Variants in DIP2C observed in about 807,000 individuals in gnomAD.
DIP2C encodes disco-interacting protein 2 homolog C.
Under a neutral mutation model 192.4 loss-of-function variants are expected in DIP2C, and 33 were observed. The ratio of observed to expected loss-of-function variants is 0.17; its 90% confidence interval spans 0.13 to 0.23. The LOEUF is 0.23. Ranked by LOEUF, DIP2C falls within the 10% of genes least tolerant of loss-of-function variation. DIP2C has a pLI of 1.00. For missense variants in DIP2C, 1,537 were observed against 2,110.1 expected, an observed-to-expected ratio of 0.73 and a Z score of 5.32; for synonymous variants, 979 against 864.1, an observed-to-expected ratio of 1.13 and a Z score of -2.33.
At chr10:537,895 T>TTC (rs1218843678) in intron 1 of DIP2C, among the ~76,000 whole-genome samples, 3 of 151,788 alleles carry the variant, frequency 2.0e-5, no homozygotes, top group African/African-American at 7.3e-5. Context: ...GTTCAGGCGA[T>TTC]TCTCCTGCCT....
At chr10:397,569 G>C (rs1564659942) in intron 10 of DIP2C, among the ~76,000 whole-genome samples, 1 of 150,626 alleles carries the variant, frequency 6.6e-6, no homozygotes, top group African/African-American at 2.4e-5. Context: ...GATGGTTTAA[G>C]GGCAGTGTGC....
intron 13 of DIP2C, among the ~76,000 whole-genome samples, chr10:388,437 T>C (rs1252349456): frequency 1.3e-5 from 2 of 152,220 alleles, no homozygotes; most frequent in Non-Finnish European, 1.5e-5. Flanking sequence ...GGTCAGCAGC[T>C]GCCTGCAGGT....
At position 689,538 on chromosome 10, in the gene DIP2C, TC is replaced by T; in HGVS notation, c.40del (p.Glu14ArgfsTer30). 3 of 1,298,546 alleles carry T rather than the reference TC, an allele frequency of 2.3e-6. No individual in the cohort carries two copies. The highest frequency in any genetic ancestry group is 3.0e-5 in the South Asian group (2 of 66,232). 80.4% of individuals were successfully genotyped at this position (1,298,546 alleles called of 1,614,324 possible). A position where few individuals can be genotyped will look rare whatever the true frequency, so the allele number is the denominator to read the frequency against. The part of the protein sequence containing the change: ...RSLEGMALPL[E>X]VRARLAELEL... The stretch of plus-strand genomic sequence containing the variant: ...CAGCTCGGCCAGGCGCGCCCGCACC[TC>T]CAGGGGCAGCGCCATGCCCTCCAGG... On this transcript the variant is annotated frameshift_variant, in exon 1 of 37. Coordinates refer to ENST00000280886, the MANE Select transcript of DIP2C (RefSeq NM_014974.3). LOFTEE classifies it high-confidence loss of function. This position sits in a 1 kb window ranked among gnomAD's most constrained non-coding sequence, Gnocchi z 6.1.
chr10:534,240 CGTGCGAAACGGGGAG>C (rs529457749), intron 1 of DIP2C, among the ~76,000 whole-genome samples: 2 of 152,276 alleles, frequency 1.3e-5, no homozygotes, highest in East Asian at 1.9e-4. Context: ...ACCCCGGGGA[CGTGCGAAACGGGGAG>C]GTGCAACTCT....
intron 1 of DIP2C, among the ~76,000 whole-genome samples, chr10:601,970 G>A (rs768537242): frequency 2.4e-4 from 36 of 152,034 alleles, no homozygotes; most frequent in Non-Finnish European, 1.5e-4. Flanking sequence ...TCACTTATGA[G>A]GCAGAGAATG....
chr10:286,032 A>G (rs1955102157), intron 34 of DIP2C, among the ~76,000 whole-genome samples: 1 of 152,200 alleles, frequency 6.6e-6, no homozygotes, highest in Non-Finnish European at 1.5e-5. Flanking sequence ...ATCTTTTCAG[A>G]ATTATTTGAG....
At chr10:359,771 C>G (rs1959225024) in intron 22 of DIP2C, among the ~76,000 whole-genome samples, 1 of 152,148 alleles carries the variant, frequency 6.6e-6, no homozygotes, top group African/African-American at 2.4e-5. Flanking sequence ...ATAGAAGCGT[C>G]TTCTGAATGA....
rs1564824770 is a variant in DIP2C at position 532,678 on chromosome 10, TATGGGTGTGA to T, written c.86-46158_86-46149del. Among the ~76,000 whole-genome samples, 126 of 100,442 alleles carry T rather than the reference TATGGGTGTGA, an allele frequency of 1.3e-3. 1 individual carries two copies. The highest frequency in any genetic ancestry group is 2.8e-3 in the South Asian group (9 of 3,204). 65.9% of individuals were successfully genotyped at this position (100,442 alleles called of 152,430 possible). ...GAGAGAGTATGGGTGTGAGAGAGAG[TATGGGTGTGA>T]GAGAGTATGGGTGTGAGAGAGAGTA... On this transcript the variant is annotated intron_variant, in intron 1 of 36. Transcript: ENST00000280886.
intron 10 of DIP2C, 76 bp from the exon 11 acceptor site, chr10:390,939 G>A (rs141931351): frequency 7.1e-5 from 112 of 1,571,286 alleles, no homozygotes; most frequent in Middle Eastern, 1.7e-4. Flanking sequence ...TCCCTCCAGC[G>A]TTCACACAGA....
intron 1 of DIP2C, among the ~76,000 whole-genome samples, chr10:670,268 G>GCATATACA (rs1830560085): frequency 1.3e-5 from 2 of 149,902 alleles, no homozygotes; most frequent in African/African-American, 5.1e-5. Flanking sequence ...GCACATACAC[G>GCATATACA]CATGCATATA....
chr10:546,647 G>A (rs1209603343), intron 1 of DIP2C, among the ~76,000 whole-genome samples: 2 of 152,230 alleles, frequency 1.3e-5, no homozygotes, highest in Admixed American at 6.5e-5. Flanking sequence ...CTGGACCCTG[G>A]TCGACGGGCC....
intron 31 of DIP2C, among the ~76,000 whole-genome samples, chr10:318,468 A>G (rs1396055131): frequency 6.6e-6 from 1 of 152,222 alleles, no homozygotes; most frequent in African/African-American, 2.4e-5. Context: ...CAAGGTCAGC[A>G]GTGCAGACTT....
intron 1 of DIP2C, among the ~76,000 whole-genome samples, chr10:565,655 T>A (rs948173914): frequency 1.3e-5 from 2 of 152,252 alleles, no homozygotes; most frequent in African/African-American, 4.8e-5. Flanking sequence ...GTTTGCTACA[T>A]GTAAGCTTCA....
intron 1 of DIP2C, among the ~76,000 whole-genome samples, chr10:499,873 A>AGCAAGCAT (rs1211193327): frequency 6.6e-6 from 1 of 152,222 alleles, no homozygotes; most frequent in African/African-American, 2.4e-5. Flanking sequence ...TTTATCATAG[A>AGCAAGCAT]GCAAGCATGG....
intron 1 of DIP2C, among the ~76,000 whole-genome samples, chr10:670,567 G>C (rs771378607): frequency 3.2e-4 from 49 of 152,146 alleles, no homozygotes; most frequent in Non-Finnish European, 5.9e-4. Context: ...CATTTTAAAC[G>C]TGACCATTCC....
intron 14 of DIP2C, among the ~76,000 whole-genome samples, 190 bp from the exon 15 acceptor site, chr10:384,829 C>T (rs1341424179): frequency 3.4e-5 from 5 of 149,040 alleles, no homozygotes; most frequent in African/African-American, 9.9e-5. Flanking sequence ...TACAGAGGGG[C>T]ATAGTGGAGG....
At chr10:356,651 G>A (rs118000370) in intron 23 of DIP2C, 145 bp from the exon 24 acceptor site, 3 of 631,558 alleles carry the variant, frequency 4.8e-6, no homozygotes, top group East Asian at 5.5e-5. Flanking sequence ...GGGAGTTGAA[G>A]ACATGCATGC....
intron 1 of DIP2C, among the ~76,000 whole-genome samples, chr10:560,720 C>T (rs1849165014): frequency 6.6e-6 from 1 of 152,196 alleles, no homozygotes; most frequent in Non-Finnish European, 1.5e-5. Context: ...CATTAAAATT[C>T]TAGGCCCCCC....
rs1285104802 is a variant in DIP2C, at chr10:356,320, A to AT, written c.2985+105dup. The AT allele has an allele frequency of 2.3e-6, 3 of 1,293,894 alleles. No homozygotes were observed. The African/African-American group carries it at 4.4e-5, about 19-fold the overall frequency. 80.2% of individuals were successfully genotyped at this position (1,293,894 alleles called of 1,614,324 possible). A position where few individuals can be genotyped will look rare whatever the true frequency, so the allele number is the denominator to read the frequency against. ...ATAGCAAAACATAAAAAGAATTCCC[A>AT]TAAGACTGAAGCAAAAGGATTCAAA... is the stretch of plus-strand genomic sequence containing the variant. On this transcript the variant is annotated intron_variant, in intron 24 of 36. Transcript: ENST00000280886.
Sources: allele counts gnomAD v4.1 joint callset (sites outside exome capture counted in the v4.1 genomes callset), GRCh38; gene constraint gnomAD v4.1.1; non-coding constraint Gnocchi (gnomAD v3.1); transcripts MANE v1.5; gene names NCBI Gene and HGNC (gene_info 2026-07-23, HGNC 2026-07-21).